SIRPB2: variants seen among roughly 807,000 people sequenced by gnomAD.
SIRPB2 encodes the protein signal-regulatory protein beta-2.
Under a neutral mutation model 27.1 loss-of-function variants are expected in SIRPB2, and 18 were observed. That is an observed-to-expected ratio of 0.66 (90% CI 0.46 to 0.98). The LOEUF (loss-of-function observed/expected upper bound fraction) is 0.98. Ranked by LOEUF, SIRPB2 falls within the 50% of genes least tolerant of loss-of-function variation. The pLI is 0.00. For missense variants in SIRPB2, 420 were observed against 417.4 expected (o/e 1.01, Z -0.06); for synonymous variants, 150 against 164.6 (o/e 0.91, Z 0.68).
chr20:1,487,600 T>G (rs956221355), intron 1 of SIRPB2, among the ~76,000 whole-genome samples: 4 of 152,254 alleles, frequency 2.6e-5, no homozygotes, highest in Non-Finnish European at 4.4e-5. Context: ...TGGAACTGAA[T>G]AGAGAGTCTA....
chr20:1,479,949 C>T lies in SIRPB2; in HGVS notation c.202G>A (p.Asp68Asn). 1.2e-6 allele frequency: 2 copies of T among 1,614,210 alleles called. No individual in the cohort carries two copies. The highest frequency in any genetic ancestry group is 1.7e-6 in the Non-Finnish European group (2 of 1,180,044). Residue 68 changes from aspartate to asparagine, a missense_variant, in exon 2 of 5, where the codon GAT becomes AAT. Asp to Asn is a conservative substitution (Grantham distance 23, BLOSUM62 1). Coordinates refer to ENST00000359801, the MANE Select transcript of SIRPB2 (RefSeq NM_001122962.2). ...ACCTTCACCCATTTTATCATACCATCAGTGCAGGAGCCGACCACCATACAC... is the reference window on the plus strand; with the variant it reads ...ACCTTCACCCATTTTATCATACCATTAGTGCAGGAGCCGACCACCATACAC... ...LRCMVVGSCT[D>N]GMIKWVKVST... is the part of the protein sequence containing the mutation.
At chr20:1,477,148 C>T (rs1259331072) in intron 4 of SIRPB2, 190 bp downstream of exon 4, 18 of 1,550,346 alleles carry the variant, frequency 1.2e-5, no homozygotes, top group Admixed American at 1.9e-5. Flanking sequence ...TGAGAAAGTT[C>T]GTTATAGCTG....
In SIRPB2 at chr20:1,478,518, T is replaced by G. The variant is rs530535241; in HGVS notation, c.541A>C (p.Thr181Pro). 1.2e-6 allele frequency: 2 copies of G among 1,613,904 alleles called. No individual in the cohort carries two copies. Among genetic ancestry groups the G allele is most frequent in the African/African-American group, 2.7e-5 (2 of 74,918 alleles). The stretch of plus-strand genomic sequence containing the variant: ...CCAGGGGGACCGTCTCCAAGCACTG[T>G]GCAGTTCAGAAAGACAGTGTCTCCA... ...TTGDTVFLNC[T>P]VLGDGPPGPI... Residue 181 changes from threonine (T) to proline (P), a missense_variant, in exon 3 of 5, where the codon ACA becomes CCA. Thr to Pro is a conservative substitution (Grantham distance 38). Coordinates refer to ENST00000359801, the MANE Select transcript of SIRPB2 (RefSeq NM_001122962.2).
At chr20:1,489,540 C>G (rs2090757460) in intron 1 of SIRPB2, among the ~76,000 whole-genome samples, 1 of 152,108 alleles carries the variant, frequency 6.6e-6, no homozygotes, top group African/African-American at 2.4e-5. Context: ...AGTCCTGGTG[C>G]CCACACCCCT....
rs949182813 is a variant in SIRPB2 at position 1,482,696 on chromosome 20, T to C, written c.86-2631A>G. On this transcript the variant is annotated intron_variant, in intron 1 of 4. Transcript: ENST00000359801. Reference sequence around the variant, plus strand: ...AGTTCTCCCACCTCAGCCTCCTGAGTACAGCTTACTTCACTTAACATAATA... The same window carrying C: ...AGTTCTCCCACCTCAGCCTCCTGAGCACAGCTTACTTCACTTAACATAATA... Among the ~76,000 whole-genome samples, 23 of 151,448 alleles carry C rather than the reference T, an allele frequency of 1.5e-4. 1 individual carries two copies. Among genetic ancestry groups the C allele is most frequent in the Admixed American group, 1.3e-3 (20 of 15,186 alleles).
downstream of SIRPB2, among the ~76,000 whole-genome samples, chr20:1,471,854 G>A (rs1333114115): frequency 6.6e-6 from 1 of 152,186 alleles, no homozygotes; most frequent in Non-Finnish European, 1.5e-5. Context: ...AGCCCGAGGA[G>A]AGTGGCGTGA....
intron 4 of SIRPB2, chr20:1,476,644 A>G: frequency 7.0e-6 from 6 of 858,228 alleles, no homozygotes; most frequent in Non-Finnish European, 8.4e-6. Flanking sequence ...ATTTTTATAG[A>G]TAAGGAGACA....
In SIRPB2 at chr20:1,482,375, C is replaced by A. The variant is rs1304871130; in HGVS notation, c.86-2310G>T. On this transcript the variant is annotated intron_variant, in intron 1 of 4. Transcript: ENST00000359801. Reference sequence around the variant, plus strand: ...TGTTTGTACCCATTCACCAACCTCACTCTTAACCCCTCTCCCTGAGACCCA... The same window carrying A: ...TGTTTGTACCCATTCACCAACCTCAATCTTAACCCCTCTCCCTGAGACCCA... 2.0e-5 allele frequency among the ~76,000 whole-genome samples: 3 copies of A among 152,178 alleles called. No homozygotes were observed. In the East Asian group the frequency reaches 5.8e-4, roughly 29 times the overall value.
intron 4 of SIRPB2, chr20:1,477,100 A>G (rs2090612889): frequency 6.7e-7 from 1 of 1,485,966 alleles, no homozygotes; most frequent in Non-Finnish European, 8.9e-7. Flanking sequence ...CACCTCTCAA[A>G]CAACATTTCC....
At chr20:1,478,750 G>T (rs1176989350) in intron 2 of SIRPB2, 143 bp from the exon 3 acceptor site, 2 of 661,576 alleles carry the variant, frequency 3.0e-6, no homozygotes, top group African/African-American at 1.8e-5. Flanking sequence ...TTACTCACCA[G>T]TTGACTCATT....
At chr20:1,476,879 T>G (rs2090610628) in intron 4 of SIRPB2, 1 of 1,149,750 alleles carries the variant, frequency 8.7e-7, no homozygotes, top group Admixed American at 4.3e-5. Flanking sequence ...TCTCCTTGAG[T>G]GCACACACAA....
chr20:1,480,068 A>T lies in SIRPB2; in HGVS notation c.86-3T>A. 6.3e-7 allele frequency: 1 copy of T among 1,598,908 alleles called. No individual in the cohort carries two copies. Among genetic ancestry groups the T allele is most frequent in the Non-Finnish European group, 8.5e-7 (1 of 1,173,106 alleles). ...CCTGCTGCTCTGCCCAGAGGCATCTACAAAAGAGGAAGAAAGACCTTGCAC... is the reference window on the plus strand; with the variant it reads ...CCTGCTGCTCTGCCCAGAGGCATCTTCAAAAGAGGAAGAAAGACCTTGCAC... On this transcript the variant is annotated splice_polypyrimidine_tract_variant and splice_region_variant and intron_variant, in intron 1 of 4. Coordinates refer to ENST00000359801, the MANE Select transcript of SIRPB2 (RefSeq NM_001122962.2).
chr20:1,472,842 T>A (rs115888716), downstream of SIRPB2: 1 of 152,172 alleles, frequency 6.6e-6, no homozygotes, highest in Admixed American at 6.5e-5. Context: ...GCATTCTGCT[T>A]GGTGTTTGCT....
chr20:1,484,506 T>C (rs2090705897), intron 1 of SIRPB2, among the ~76,000 whole-genome samples: 2 of 150,596 alleles, frequency 1.3e-5, no homozygotes, highest in Non-Finnish European at 3.0e-5. Flanking sequence ...AACTCAACAG[T>C]TAAAAAAAAT....
At chr20:1,479,515 G>C in intron 2 of SIRPB2, 185 bp downstream of exon 2, 1 of 901,682 alleles carries the variant, frequency 1.1e-6, no homozygotes, top group Non-Finnish European at 1.7e-6. Context: ...TCCAGCCTGG[G>C]CTCTGGCATG....
intron 1 of SIRPB2, among the ~76,000 whole-genome samples, chr20:1,484,529 T>C (rs1377234649): frequency 4.0e-5 from 6 of 151,258 alleles, no homozygotes; most frequent in Non-Finnish European, 8.9e-5. Context: ...CATTAAAAAG[T>C]GGGCAAAGGA....
chr20:1,476,445 G>A (rs1376208858), intron 4 of SIRPB2, 109 bp from the exon 5 acceptor site: 1 of 1,140,870 alleles, frequency 8.8e-7, no homozygotes, highest in Admixed American at 2.9e-5. Context: ...TATAACCTCT[G>A]GAGCTGTATC....
rs1164839478 is a variant in SIRPB2, at chr20:1,474,766, G to A, written c.*1401C>T. On this transcript the variant is annotated 3_prime_UTR_variant, in exon 5 of 5. Transcript: ENST00000359801. ...TTTTTGTATTTTTAGTAGAGACGAGGTTTCACCATGTTAGCCAGGCTGGTC... is the reference window on the plus strand; with the variant it reads ...TTTTTGTATTTTTAGTAGAGACGAGATTTCACCATGTTAGCCAGGCTGGTC... The A allele has an allele frequency of 6.6e-6, 1 of 152,168 alleles. No individual in the cohort carries two copies. The highest frequency in any genetic ancestry group is 6.6e-5 in the Admixed American group (1 of 15,258). The allele number at this position is 152,168 out of a possible 1,614,324, so 9.4% of individuals were successfully genotyped here.
intron 1 of SIRPB2, among the ~76,000 whole-genome samples, chr20:1,481,468 G>GA (rs2090670175): frequency 6.6e-6 from 1 of 152,146 alleles, no homozygotes; most frequent in African/African-American, 2.4e-5. Context: ...CAGCAGCTTT[G>GA]TACCCCGAGT....
Sources: gnomAD v4.1 joint callset for allele counts (sites outside exome capture counted in the v4.1 genomes callset) on GRCh38, gnomAD v4.1.1 for gene constraint, MANE v1.5 for transcripts, NCBI Gene and HGNC (gene_info 2026-07-23, HGNC 2026-07-21) for gene names.